The following ETV1 variants were observed in gnomAD, a reference collection of about 807,000 sequenced individuals.
ETV1 encodes ETS variant transcription factor 1.
A neutral mutation model predicts 62.3 loss-of-function variants in ETV1; 27 were observed. The ratio of observed to expected loss-of-function variants is 0.43; its 90% CI spans 0.32 to 0.60. The LOEUF is 0.60. Among genes scored for constraint, ETV1 ranks in the 20% least tolerant of loss-of-function variants. ETV1 has a pLI of 0.06. For missense variants in ETV1, 605 were observed against 605.8 expected, an observed-to-expected ratio of 1.00 and a Z score of 0.01; for synonymous variants, 222 against 199.6, an observed-to-expected ratio of 1.11 and a Z score of -0.94.
At chr7:13,916,452 A>G (rs1291330875) in intron 9 of ETV1, among the ~76,000 whole-genome samples, 1 of 152,082 alleles carries the variant, frequency 6.6e-6, no homozygotes, top group African/African-American at 2.4e-5. Flanking sequence ...ACCCTAGCCA[A>G]CATGGTGAAA....
intron 6 of ETV1, among the ~76,000 whole-genome samples, chr7:13,952,773 G>A (rs1240478703): frequency 6.6e-6 from 1 of 152,118 alleles, no homozygotes; most frequent in East Asian, 1.9e-4. Context: ...GAAAGACAAA[G>A]TTAGATTCCT....
At chr7:13,961,256 G>A (rs928518650) in intron 6 of ETV1, among the ~76,000 whole-genome samples, 1 of 152,180 alleles carries the variant, frequency 6.6e-6, no homozygotes, top group Non-Finnish European at 1.5e-5. Flanking sequence ...TAGAAGCCCA[G>A]CCATAGCCTA....
intron 6 of ETV1, among the ~76,000 whole-genome samples, chr7:13,948,778 G>A (rs185784982): frequency 6.6e-6 from 1 of 152,274 alleles, no homozygotes; most frequent in Admixed American, 6.5e-5. Context: ...AAAGGAGAAG[G>A]AAAACACCAA....
chr7:13,904,420 A>G (rs1374676880), intron 12 of ETV1, among the ~76,000 whole-genome samples: 1 of 152,204 alleles, frequency 6.6e-6, no homozygotes, highest in Non-Finnish European at 1.5e-5. Context: ...TAAAAATCAC[A>G]GTAACTCAGA....
intron 6 of ETV1, among the ~76,000 whole-genome samples, chr7:13,944,217 T>A (rs13235744): frequency 0.073 from 11,139 of 152,280 alleles, 512 homozygotes; most frequent in Non-Finnish European, 0.11. Flanking sequence ...TGTCTTAGTC[T>A]GTTTAGGCTG....
intron 6 of ETV1, among the ~76,000 whole-genome samples, chr7:13,944,660 T>C (rs1787946786): frequency 6.9e-6 from 1 of 145,142 alleles, no homozygotes; most frequent in Non-Finnish European, 1.5e-5. Flanking sequence ...GCCCCAAATC[T>C]GGCACATCAT....
In ETV1 at chr7:13,895,318, A is replaced by G. The variant is rs1781665850; in HGVS notation, c.*548T>C. 1 of 234,026 alleles carries G rather than the reference A, an allele frequency of 4.3e-6. No individual in the cohort carries two copies. Among genetic ancestry groups the G allele is most frequent in the Admixed American group, 5.6e-5 (1 of 17,864 alleles). The allele number at this position is 234,026 out of a possible 1,614,324, so 14.5% of individuals were successfully genotyped here. ...CAACAAACAGCAAATGCAATCGCTA[A>G]ATACCTTTTTACAAGTGGTGCAAAA... is the stretch of plus-strand genomic sequence containing the variant. On this transcript the variant is annotated 3_prime_UTR_variant, in exon 14 of 14. Coordinates refer to ENST00000430479, the MANE Select transcript of ETV1 (RefSeq NM_004956.5).
In ETV1 at chr7:13,972,093, C is replaced by T. The variant is rs1230693191; in HGVS notation, c.235+5334G>A. Among the ~76,000 whole-genome samples the T allele has an allele frequency of 2.0e-5, 3 of 151,014 alleles. No homozygotes were observed. In the South Asian group the frequency reaches 6.3e-4, roughly 32 times the overall value. ...CCACTGCACTCCAGCCTGGATGATACAGCGAGACTCTGTCTCAAAAAGAAA... is the reference window on the plus strand; with the variant it reads ...CCACTGCACTCCAGCCTGGATGATATAGCGAGACTCTGTCTCAAAAAGAAA... On this transcript the variant is annotated intron_variant, in intron 6 of 13. Transcript: ENST00000430479.
intron 11 of ETV1, among the ~76,000 whole-genome samples, chr7:13,907,369 T>C (rs1297081786): frequency 6.6e-6 from 1 of 152,160 alleles, no homozygotes. Context: ...AAAGTCCAAT[T>C]TAAAAATGCA....
chr7:13,970,263 A>AACAT (rs1780745470), intron 6 of ETV1, among the ~76,000 whole-genome samples: 1 of 126,606 alleles, frequency 7.9e-6, no homozygotes, highest in Non-Finnish European at 1.6e-5. Context: ...CCCATCTCAA[A>AACAT]ACACACACAC....
intron 9 of ETV1, among the ~76,000 whole-genome samples, chr7:13,921,352 G>A (rs1371291597): frequency 6.6e-6 from 1 of 152,216 alleles, no homozygotes; most frequent in Admixed American, 6.5e-5. Flanking sequence ...TTTTTATGGA[G>A]AGGAAGCAAT....
chr7:13,932,044 C>CACACA (rs1562638299), intron 8 of ETV1, among the ~76,000 whole-genome samples: 5 of 147,954 alleles, frequency 3.4e-5, no homozygotes, highest in African/African-American at 1.3e-4. Context: ...TTTTACACAC[C>CACACA]CACACACACA....
At chr7:13,986,552 T>G (rs1782569334) in intron 5 of ETV1, 86 bp downstream of exon 5, 1 of 1,590,600 alleles carries the variant, frequency 6.3e-7, no homozygotes, top group Non-Finnish European at 8.5e-7. Flanking sequence ...TTAATTGGGC[T>G]GAATATTAAG....
In ETV1 at chr7:13,964,104, T is replaced by A. The variant is rs557941378; in HGVS notation, c.235+13323A>T. 1.0e-3 allele frequency among the ~76,000 whole-genome samples: 152 copies of A among 152,258 alleles called. 5 individuals are homozygous for A. The South Asian group carries it at 0.031, about 31-fold the overall frequency. On this transcript the variant is annotated intron_variant, in intron 6 of 13. Transcript: ENST00000430479. Reference sequence around the variant, plus strand: ...TTGAGACAACTGCATCACCTGACATTCTGGCCCCAGTGCCAAGGACTAGGG... The same window carrying A: ...TTGAGACAACTGCATCACCTGACATACTGGCCCCAGTGCCAAGGACTAGGG...
At position 13,931,643 on chromosome 7, in the gene ETV1, G is replaced by A. The variant is rs781034658; in HGVS notation, c.661C>T (p.Pro221Ser). Residue 221 changes from proline (P) to serine (S), a missense_variant, in exon 9 of 14, where the codon CCC becomes TCC. Coordinates refer to ENST00000430479, the MANE Select transcript of ETV1 (RefSeq NM_004956.5). Reference sequence around the variant, plus strand: ...TGCTTAAAGCCTTGTGGTGGGAAGGGGATGTTTGGCTCAGACATCTGGCGT... The same window carrying A: ...TGCTTAAAGCCTTGTGGTGGGAAGGAGATGTTTGGCTCAGACATCTGGCGT... The part of the protein sequence containing the change: ...YQRQMSEPNI[P>S]FPPQGFKQEY... 2.9e-5 allele frequency: 47 copies of A among 1,613,998 alleles called. No homozygotes were observed. The highest frequency in any genetic ancestry group is 3.8e-5 in the Non-Finnish European group (45 of 1,179,906).
At chr7:13,908,642 G>C (rs1230863217) in intron 11 of ETV1, among the ~76,000 whole-genome samples, 1 of 152,048 alleles carries the variant, frequency 6.6e-6, no homozygotes, top group Non-Finnish European at 1.5e-5. Flanking sequence ...TAAAGAAGCA[G>C]ATCTTCCCTA....
Position 13,988,006 on chromosome 7 carries a change from G to C in ETV1, c.133+80C>G, listed in dbSNP as rs1297054091. ...TCAAAGTTTATTATTTTTAAGATAAGACTGAAGTGCTCCTTTTCTTTTAGC... is the reference window on the plus strand; with the variant it reads ...TCAAAGTTTATTATTTTTAAGATAACACTGAAGTGCTCCTTTTCTTTTAGC... On this transcript the variant is annotated intron_variant, in intron 4 of 13. Transcript: ENST00000430479. 5 of 788,864 alleles carry C rather than the reference G, an allele frequency of 6.3e-6. No homozygotes were observed. The East Asian group carries it at 9.8e-5, about 15-fold the overall frequency. The allele number at this position is 788,864 out of a possible 1,614,324, so 48.9% of individuals were successfully genotyped here.
Position 13,949,472 on chromosome 7 carries a change from A to G in ETV1, c.236-10226T>C, listed in dbSNP as rs1788548370. 4.6e-5 allele frequency among the ~76,000 whole-genome samples: 7 copies of G among 152,276 alleles called. 1 individual carries two copies. The South Asian group carries it at 1.4e-3, about 32-fold the overall frequency. ...GCTTTGTGAATCCATCTTCTAAGAC[A>G]CACAGAAGCAGAAGGCATTTTCAGC... On this transcript the variant is annotated intron_variant, in intron 6 of 13. Transcript: ENST00000430479.
chr7:13,987,307 G>A (rs1473855927), intron 4 of ETV1, among the ~76,000 whole-genome samples: 2 of 152,020 alleles, frequency 1.3e-5, no homozygotes, highest in Non-Finnish European at 2.9e-5. Flanking sequence ...GTCATGTTAG[G>A]GAGGGAGAGA....
Sources: gnomAD v4.1 joint callset for allele counts (sites outside exome capture counted in the v4.1 genomes callset) on GRCh38, gnomAD v4.1.1 for gene constraint, MANE v1.5 for transcripts, NCBI Gene and HGNC (gene_info 2026-07-23, HGNC 2026-07-21) for gene names.